The following SCUBE3 variants were observed in gnomAD, a reference collection of about 807,000 sequenced individuals.
The protein encoded by SCUBE3 is signal peptide, CUB and EGF-like domain-containing protein 3.
SCUBE3 carries 33 observed loss-of-function variants against 116.8 expected under a neutral mutation model. The ratio of observed to expected loss-of-function variants is 0.28; its 90% CI spans 0.21 to 0.38. The LOEUF (loss-of-function observed/expected upper bound fraction) is 0.38. Ranked by LOEUF, SCUBE3 falls within the 10% of genes least tolerant of loss-of-function variation. SCUBE3 has a pLI of 1.00. For synonymous variants in SCUBE3, 418 were observed against 496.9 expected (o/e 0.84, Z 2.11); for missense variants, 1,007 against 1,324.8 (o/e 0.76, Z 3.72).
rs1784032196 is a variant in SCUBE3 at position 35,241,281 on chromosome 6, C to T, written c.1195+15C>T. On this transcript the variant is annotated intron_variant, in intron 10 of 21. Coordinates refer to ENST00000274938, the MANE Select transcript of SCUBE3 (RefSeq NM_152753.4). The surrounding 1 kb of genome is among the most constrained non-coding windows in gnomAD (Gnocchi z 4.1). The stretch of plus-strand genomic sequence containing the variant: ...AGATTGCACAGGTGGGCAGTGCCCT[C>T]TGCTGGCCAAAGATGACACTGCCAT... 6.3e-7 allele frequency: 1 copy of T among 1,581,132 alleles called. No individual in the cohort carries two copies. The highest frequency in any genetic ancestry group is 1.7e-5 in the Admixed American group (1 of 57,594).
Position 35,244,263 on chromosome 6 carries a change from C to T in SCUBE3, c.2239+133C>T, listed in dbSNP as rs1784231716. On this transcript the variant is annotated intron_variant, in intron 17 of 21. Transcript: ENST00000274938. The surrounding 1 kb of genome is among the most constrained non-coding windows in gnomAD (Gnocchi z 4.3). ...TAATGGGCCCAGCTACTTGACCAAC[C>T]ATACCATCCTGCTTCCAGGACCCAC... is the stretch of plus-strand genomic sequence containing the variant. 1.3e-6 allele frequency: 1 copy of T among 756,738 alleles called. No individual in the cohort carries two copies. The highest frequency in any genetic ancestry group is 1.8e-5 in the South Asian group (1 of 55,358). The allele number at this position is 756,738 out of a possible 1,614,324, so 46.9% of individuals were successfully genotyped here.
chr6:35,245,473 T>G lies in SCUBE3; in HGVS notation c.2599+48T>G. On this transcript the variant is annotated intron_variant, in intron 19 of 21. Transcript: ENST00000274938. The surrounding 1 kb of genome is among the most constrained non-coding windows in gnomAD (Gnocchi z 4.2). ...CCAGGGAAGGGCAGTCCAAATCTGG[T>G]TAAGGCGGAGAACAAAGAGAGAGAC... is the stretch of plus-strand genomic sequence containing the variant. The G allele has an allele frequency of 6.7e-7, 1 of 1,494,212 alleles. No individual in the cohort carries two copies. Among genetic ancestry groups the G allele is most frequent in the South Asian group, 1.1e-5 (1 of 88,480 alleles). 92.6% of individuals were successfully genotyped at this position (1,494,212 alleles called of 1,614,324 possible).
Position 35,245,741 on chromosome 6 carries a change from C to T in SCUBE3, c.2600-203C>T, listed in dbSNP as rs757789157. 8.5e-5 allele frequency among the ~76,000 whole-genome samples: 13 copies of T among 152,086 alleles called. No individual in the cohort carries two copies. The highest frequency in any genetic ancestry group is 1.8e-4 in the Non-Finnish European group (12 of 68,018). ...CATATTTATTACACTATGTGAGTGC[C>T]CAGGTATCAAGGAGGAATTGTGGAA... On this transcript the variant is annotated intron_variant, in intron 19 of 21. Transcript: ENST00000274938. The surrounding 1 kb of genome is among the most constrained non-coding windows in gnomAD (Gnocchi z 4.2).
intron 21 of SCUBE3, among the ~76,000 whole-genome samples, chr6:35,246,851 C>T (rs528045875): frequency 7.9e-5 from 12 of 152,072 alleles, no homozygotes; most frequent in East Asian, 3.9e-4. Flanking sequence ...CGGTGGCAGG[C>T]GCCTGTAATC....
chr6:35,249,421 A>G lies in SCUBE3; in HGVS notation c.*716A>G, dbSNP rs1170193324. 1 of 152,304 alleles carries G rather than the reference A, an allele frequency of 6.6e-6. No individual in the cohort carries two copies. The highest frequency in any genetic ancestry group is 1.5e-5 in the Non-Finnish European group (1 of 68,062). 9.4% of individuals were successfully genotyped at this position (152,304 alleles called of 1,614,324 possible). A position where few individuals can be genotyped will look rare whatever the true frequency, so the allele number is the denominator to read the frequency against. On this transcript the variant is annotated 3_prime_UTR_variant, in exon 22 of 22. Coordinates refer to ENST00000274938, the MANE Select transcript of SCUBE3 (RefSeq NM_152753.4). The stretch of plus-strand genomic sequence containing the variant: ...AGAGCAGCAGGCATTGTCATGGTGA[A>G]TGCCCCGCTGTAGCTCCCTGAGAGA...
chr6:35,225,549 A>T (rs1360899723), intron 1 of SCUBE3, among the ~76,000 whole-genome samples: 1 of 152,130 alleles, frequency 6.6e-6, no homozygotes, highest in Non-Finnish European at 1.5e-5. Context: ...CGAGGTGGAG[A>T]GTAAGTGTAG....
chr6:35,237,882 C>A lies in SCUBE3; in HGVS notation c.713-20C>A, dbSNP rs374823107. 8.0e-6 allele frequency: 12 copies of A among 1,505,248 alleles called. No homozygotes were observed. In the East Asian group the frequency reaches 1.4e-4, roughly 17 times the overall value. 93.2% of individuals were successfully genotyped at this position (1,505,248 alleles called of 1,614,324 possible). ...CAGGCTTGTAACCTCATTACCATCC[C>A]CCACTTCCCTCCTAAACAGAGACCT... On this transcript the variant is annotated intron_variant, in intron 6 of 21. Coordinates refer to ENST00000274938, the MANE Select transcript of SCUBE3 (RefSeq NM_152753.4).
chr6:35,229,693 G>A (rs6938138), intron 3 of SCUBE3, among the ~76,000 whole-genome samples: 14,920 of 152,068 alleles, frequency 0.098, 1,553 homozygotes, highest in African/African-American at 0.26. Flanking sequence ...GAATCTCTAA[G>A]GAACTGAACT....
chr6:35,229,525 T>C (rs1384048647), intron 3 of SCUBE3, among the ~76,000 whole-genome samples: 2 of 152,064 alleles, frequency 1.3e-5, no homozygotes, highest in African/African-American at 2.4e-5. Flanking sequence ...AGCTCAGTAA[T>C]GGGAAGAATG....
At chr6:35,225,695 C>T (rs1783296363) in intron 1 of SCUBE3, among the ~76,000 whole-genome samples, 1 of 152,084 alleles carries the variant, frequency 6.6e-6, no homozygotes, top group Admixed American at 6.6e-5. Context: ...TCTTCTTAGC[C>T]CCAGGAAGTT....
Position 35,243,534 on chromosome 6 carries a change from C to T in SCUBE3, c.1910-60C>T. ...GTGGCGGGGAGTGGGAAGGGGAGTC[C>T]CAGGCCTGGGTGGTGGGAAATGCGG... On this transcript the variant is annotated intron_variant, in intron 15 of 21. Transcript: ENST00000274938. This position sits in a 1 kb window ranked among gnomAD's most constrained non-coding sequence, Gnocchi z 6.6. The T allele has an allele frequency of 6.8e-7, 1 of 1,469,570 alleles. No individual in the cohort carries two copies. The highest frequency in any genetic ancestry group is 9.1e-7 in the Non-Finnish European group (1 of 1,093,612). The allele number at this position is 1,469,570 out of a possible 1,614,324, so 91.0% of individuals were successfully genotyped here. A position where few individuals can be genotyped will look rare whatever the true frequency, so the allele number is the denominator to read the frequency against.
chr6:35,248,803 C>G lies in SCUBE3; in HGVS notation c.*98C>G, dbSNP rs1784452460. 2.2e-6 allele frequency: 2 copies of G among 923,364 alleles called. No individual in the cohort carries two copies. Among genetic ancestry groups the G allele is most frequent in the South Asian group, 3.2e-5 (2 of 63,330 alleles). 57.2% of individuals were successfully genotyped at this position (923,364 alleles called of 1,614,324 possible). On this transcript the variant is annotated 3_prime_UTR_variant, in exon 22 of 22. Coordinates refer to ENST00000274938, the MANE Select transcript of SCUBE3 (RefSeq NM_152753.4). ...CCTCAGACAAGGAACTCTCTCCTCT[C>G]TTTTTGGAGGGAAAAAAAAAATATC...
In SCUBE3 at chr6:35,227,664, G is replaced by C; in HGVS notation, c.170G>C (p.Cys57Ser). The C allele has an allele frequency of 1.9e-6, 3 of 1,614,132 alleles. No individual in the cohort carries two copies. The highest frequency in any genetic ancestry group is 1.7e-6 in the Non-Finnish European group (2 of 1,180,004). ...ACCCCGAGGTCATACAAGTGCATCT[G>C]CAAGTCTGGCTACACAGGGGACGGC... ...QNTPRSYKCI[C>S]KSGYTGDGKH... Residue 57 changes from cysteine (C) to serine (S), a missense_variant, in exon 2 of 22, where the codon TGC becomes TCC. By Grantham distance (112) the Cys-to-Ser change is moderately radical (BLOSUM62 -1). Transcript: ENST00000274938.
chr6:35,248,467 T>C (rs1051211420), intron 21 of SCUBE3, 89 bp from the exon 22 acceptor site: 11 of 1,243,528 alleles, frequency 8.8e-6, no homozygotes, highest in African/African-American at 7.2e-5. Flanking sequence ...GGATGCCTAG[T>C]AGACATCAAG....
chr6:35,236,124 T>C (rs755448107), intron 6 of SCUBE3, among the ~76,000 whole-genome samples: 1 of 152,218 alleles, frequency 6.6e-6, no homozygotes, highest in African/African-American at 2.4e-5. Context: ...CTTAGGGTTG[T>C]AATGCTTGAG....
intron 1 of SCUBE3, chr6:35,223,960 G>A (rs1783217757): frequency 6.6e-6 from 1 of 152,204 alleles, no homozygotes; most frequent in Non-Finnish European, 1.5e-5. Context: ...AGCTGAACAC[G>A]CTTTAAAGTA....
At chr6:35,246,655 C>T (rs1234790145) in intron 21 of SCUBE3, among the ~76,000 whole-genome samples, 1 of 152,196 alleles carries the variant, frequency 6.6e-6, no homozygotes, top group Non-Finnish European at 1.5e-5. Flanking sequence ...CCTTCCTTCC[C>T]CTATTCTCTC....
rs556852031 is a variant in SCUBE3, at chr6:35,232,607, T to G, written c.470-243T>G. Among the ~76,000 whole-genome samples the G allele has an allele frequency of 2.0e-5, 3 of 152,162 alleles. No individual in the cohort carries two copies. Among genetic ancestry groups the G allele is most frequent in the Non-Finnish European group, 2.9e-5 (2 of 68,038 alleles). On this transcript the variant is annotated intron_variant, in intron 4 of 21. Coordinates refer to ENST00000274938, the MANE Select transcript of SCUBE3 (RefSeq NM_152753.4). This position sits in a 1 kb window ranked among gnomAD's most constrained non-coding sequence, Gnocchi z 4.2. ...GTTTAAAGGAAAGGGTGATCATTCG[T>G]TGGGATGAGTATCAATAGCTAGCTA...
rs1784320821 is a variant in SCUBE3, at chr6:35,245,977, G to A, written c.2633G>A (p.Cys878Tyr). 6.2e-7 allele frequency: 1 copy of A among 1,614,022 alleles called. No homozygotes were observed. The highest frequency in any genetic ancestry group is 1.3e-5 in the African/African-American group (1 of 74,892). ...TCCTCCATTACCACTTATGAGACCT[G>A]CCAGACCTACGAGCGTCCCATTGCC... The part of the protein sequence containing the change: ...SPSSITTYET[C>Y]QTYERPIAFT... The change falls in exon 20 of 22, where the codon TGC (cysteine) becomes TAC (tyrosine). Residue 878 changes from cysteine (C) to tyrosine (Y), a missense_variant. Physicochemically the swap from Cys to Tyr is radical, Grantham distance 194. Around this residue, in one of 5 missense-constraint regions of SCUBE3, gnomAD observed 118 missense variants for 196.6 expected, o/e 0.60. Coordinates refer to ENST00000274938, the MANE Select transcript of SCUBE3 (RefSeq NM_152753.4). This position sits in a 1 kb window ranked among gnomAD's most constrained non-coding sequence, Gnocchi z 4.2.
Sources: allele counts gnomAD v4.1 joint callset (sites outside exome capture counted in the v4.1 genomes callset), GRCh38; gene constraint gnomAD v4.1.1; regional missense constraint gnomAD v4.1.1; non-coding constraint Gnocchi (gnomAD v3.1); transcripts MANE v1.5; gene names NCBI Gene and HGNC (gene_info 2026-07-23, HGNC 2026-07-21).